NECAP2: variants seen among roughly 807,000 people sequenced by gnomAD.
The protein encoded by NECAP2 is NECAP endocytosis associated 2.
In NECAP2, 38 loss-of-function variants were observed where a neutral mutation model predicts 37.8. The ratio of observed to expected loss-of-function variants is 1.01; its 90% CI spans 0.78 to 1.32. The LOEUF is 1.32. Among genes scored for constraint, NECAP2 ranks in the 40% most tolerant of loss-of-function variants. The pLI, the probability that NECAP2 is intolerant of heterozygous loss-of-function variation, is 0.00. For synonymous variants in NECAP2, 121 were observed against 127.7 expected (o/e 0.95, Z 0.35); for missense variants, 316 against 334.5 (o/e 0.94, Z 0.43).
At chr1:16,457,880 T>A (rs1296036016) in intron 7 of NECAP2, among the ~76,000 whole-genome samples, 6 of 151,896 alleles carry the variant, frequency 4.0e-5, no homozygotes, top group Non-Finnish European at 5.9e-5. Context: ...CGGCTAATTT[T>A]TTGTATTTTT....
At chr1:16,451,363 G>A (rs2086839835) in intron 5 of NECAP2, 1 of 155,280 alleles carries the variant, frequency 6.4e-6, no homozygotes, top group Non-Finnish European at 1.4e-5. Flanking sequence ...TGTTTTTGGT[G>A]CATATATGTA....
intron 5 of NECAP2, chr1:16,450,883 G>A (rs1223093035): frequency 6.6e-6 from 1 of 152,236 alleles, no homozygotes; most frequent in East Asian, 1.9e-4. Context: ...GGGAGGTGGA[G>A]GTTGCAGTGA....
intron 6 of NECAP2, among the ~76,000 whole-genome samples, chr1:16,453,565 C>T (rs279784): frequency 0.2 from 30,045 of 150,984 alleles, 3,822 homozygotes; most frequent in Non-Finnish European, 0.28. Flanking sequence ...CTCGGCTCAC[C>T]GCAACCTCCA....
chr1:16,449,323 T>C (rs1374014723), intron 5 of NECAP2, 122 bp downstream of exon 5: 10 of 657,312 alleles, frequency 1.5e-5, no homozygotes, highest in Admixed American at 8.3e-5. Context: ...AGCATCTGCC[T>C]TGTGCCAGGT....
intron 6 of NECAP2, among the ~76,000 whole-genome samples, chr1:16,453,922 CAGTT>C (rs1217181250): frequency 6.6e-6 from 1 of 152,088 alleles, no homozygotes; most frequent in Non-Finnish European, 1.5e-5. Context: ...CTGAGACAGG[CAGTT>C]AGCATGTCAA....
chr1:16,458,896 G>A lies in NECAP2; in HGVS notation c.*6G>A, dbSNP rs764566840. On this transcript the variant is annotated 3_prime_UTR_variant, in exon 8 of 8. Coordinates refer to ENST00000337132, the MANE Select transcript of NECAP2 (RefSeq NM_018090.5). The stretch of plus-strand genomic sequence containing the variant: ...CAGGCTGGGTCCAGTTCTGACCTGA[G>A]CACGGTTTTTCCTCATGTGACTTCT... The A allele has an allele frequency of 2.9e-5, 47 of 1,613,986 alleles. No individual in the cohort carries two copies. The highest frequency in any genetic ancestry group is 5.3e-5 in the African/African-American group (4 of 74,914).
intron 6 of NECAP2, among the ~76,000 whole-genome samples, chr1:16,453,176 C>T (rs1418697622): frequency 2.0e-5 from 3 of 146,562 alleles, no homozygotes; most frequent in Admixed American, 1.4e-4. Flanking sequence ...ATGGTGTGAT[C>T]TCGGCTCACT....
chr1:16,450,095 C>T (rs193279969), intron 5 of NECAP2: 77 of 426,400 alleles, frequency 1.8e-4, no homozygotes, highest in African/African-American at 9.8e-4. Context: ...TTTTCTGCTT[C>T]GTGCTGGTGA....
At chr1:16,445,826 C>T (rs2086751773) in intron 2 of NECAP2, among the ~76,000 whole-genome samples, 1 of 151,964 alleles carries the variant, frequency 6.6e-6, no homozygotes, top group Non-Finnish European at 1.5e-5. Context: ...ATCACTTGAA[C>T]CGAGGAGGTA....
At chr1:16,458,738 C>A (rs2100975084) in intron 7 of NECAP2, 104 bp from the exon 8 acceptor site, 1 of 1,184,418 alleles carries the variant, frequency 8.4e-7, no homozygotes, top group Non-Finnish European at 1.2e-6. Context: ...CATTTAGGAA[C>A]TGGCTTCTTA....
intron 6 of NECAP2, among the ~76,000 whole-genome samples, chr1:16,453,733 C>T (rs1026666905): frequency 8.5e-5 from 13 of 152,102 alleles, no homozygotes; most frequent in South Asian, 2.1e-4. Flanking sequence ...GTGATCTGCC[C>T]GCCTCAGCCT....
intron 7 of NECAP2, among the ~76,000 whole-genome samples, chr1:16,457,051 G>A (rs563563233): frequency 3.9e-5 from 6 of 152,358 alleles, no homozygotes; most frequent in East Asian, 1.9e-4. Context: ...TATTCAGGCC[G>A]TGTGGTCTTC....
Position 16,443,622 on chromosome 1 carries a change from G to T in NECAP2, c.93-10G>T. 2 of 1,604,048 alleles carry T rather than the reference G, an allele frequency of 1.2e-6. No individual in the cohort carries two copies. The highest frequency in any genetic ancestry group is 1.7e-6 in the Non-Finnish European group (2 of 1,174,768). On this transcript the variant is annotated splice_polypyrimidine_tract_variant and intron_variant, in intron 1 of 7. Transcript: ENST00000337132. ...CTCTGGCAGAGATTCAGTGGTGTTT[G>T]TCCCCTTAGGGCTGCGGAGTGGCAG... is the stretch of plus-strand genomic sequence containing the variant.
chr1:16,458,787 C>T (rs377711137), intron 7 of NECAP2, 55 bp from the exon 8 acceptor site: 16 of 1,590,426 alleles, frequency 1.0e-5, no homozygotes, highest in Middle Eastern at 1.7e-4. Context: ...CTTTTATCTG[C>T]TTTGTATTTT....
rs1427217512 is a variant in NECAP2 at position 16,440,732 on chromosome 1, C to T, written c.-30C>T. On this transcript the variant is annotated 5_prime_UTR_variant, in exon 1 of 8. Coordinates refer to ENST00000337132, the MANE Select transcript of NECAP2 (RefSeq NM_018090.5). ...TCGGACAGAGGAACGGTGGAAGTCG[C>T]CGGAAGTTCGGTGGGCTCCAGGCGT... is the stretch of plus-strand genomic sequence containing the variant. The T allele has an allele frequency of 1.9e-6, 3 of 1,603,012 alleles. No individual in the cohort carries two copies. Among genetic ancestry groups the T allele is most frequent in the Non-Finnish European group, 2.6e-6 (3 of 1,170,218 alleles).
At chr1:16,443,528 G>C in intron 1 of NECAP2, 104 bp from the exon 2 acceptor site, 1 of 838,632 alleles carries the variant, frequency 1.2e-6, no homozygotes, top group East Asian at 2.6e-5. Context: ...TACAGAAAAT[G>C]TTTGCCAACT....
chr1:16,457,650 A>G (rs1169452472), intron 7 of NECAP2, among the ~76,000 whole-genome samples: 1 of 147,810 alleles, frequency 6.8e-6, no homozygotes, highest in East Asian at 2.0e-4. Context: ...AAGACATTCT[A>G]TTTATAGCAT....
intron 5 of NECAP2, chr1:16,449,996 A>G: frequency 3.2e-6 from 1 of 308,468 alleles, no homozygotes; most frequent in South Asian, 2.6e-5. Flanking sequence ...TGTTTTTGCT[A>G]GGAATACTGT....
chr1:16,454,951 A>G (rs61769456), intron 6 of NECAP2, among the ~76,000 whole-genome samples: 26,882 of 152,190 alleles, frequency 0.18, 3,088 homozygotes, highest in South Asian at 0.34. Flanking sequence ...TTTTAGAGGT[A>G]AGAGAATGGA....
Sources: gnomAD v4.1 joint callset for allele counts (sites outside exome capture counted in the v4.1 genomes callset) on GRCh38, gnomAD v4.1.1 for gene constraint, MANE v1.5 for transcripts, NCBI Gene and HGNC (gene_info 2026-07-23, HGNC 2026-07-21) for gene names.